DIS3L2: variants seen among roughly 807,000 people sequenced by gnomAD.
The protein encoded by DIS3L2 is DIS3-like exonuclease 2.
A neutral mutation model predicts 97.5 loss-of-function variants in DIS3L2; 34 were observed. The ratio of observed to expected loss-of-function variants is 0.35; its 90% confidence interval spans 0.27 to 0.46. The LOEUF is 0.46. Ranked by LOEUF, DIS3L2 falls within the 20% of genes least tolerant of loss-of-function variation. The probability of loss-of-function intolerance (pLI) is 1.00; values close to 1 mark genes in which losing one functional copy is unlikely to be tolerated. For synonymous variants in DIS3L2, 435 were observed against 445.2 expected (o/e 0.98, Z 0.29); for missense variants, 1,038 against 1,146.0 (o/e 0.91, Z 1.36).
At chr2:232,296,362 T>C (rs1208331577) in intron 13 of DIS3L2, among the ~76,000 whole-genome samples, 1 of 152,240 alleles carries the variant, frequency 6.6e-6, no homozygotes, top group African/African-American at 2.4e-5. Flanking sequence ...CTCAAGTTCC[T>C]CATCTGTTTA....
intron 1 of DIS3L2, among the ~76,000 whole-genome samples, chr2:231,970,055 C>T (rs921348006): frequency 6.6e-6 from 1 of 151,904 alleles, no homozygotes. Flanking sequence ...AAGCAGTCCT[C>T]CTACCTTAGC....
chr2:232,210,231 A>G, intron 9 of DIS3L2, 95 bp from the exon 10 acceptor site: 2 of 931,752 alleles, frequency 2.1e-6, no homozygotes, highest in Non-Finnish European at 1.8e-6. Context: ...AACAGAGCAC[A>G]TATGCAAAAT....
chr2:232,159,055 A>G (rs566336849), intron 8 of DIS3L2, among the ~76,000 whole-genome samples: 1 of 152,284 alleles, frequency 6.6e-6, no homozygotes, highest in African/African-American at 2.4e-5. Context: ...GTCATTTTGA[A>G]AATTAATGGG....
At position 232,166,957 on chromosome 2, in the gene DIS3L2, G is replaced by A. The variant is rs560935004; in HGVS notation, c.1124+3325G>A. On this transcript the variant is annotated intron_variant, in intron 9 of 20. Transcript: ENST00000325385. The stretch of plus-strand genomic sequence containing the variant: ...AATTGCTTGAACCCAGGAGGCAGAG[G>A]TTGCAGCAAGCTGAGATCATGCCAC... Among the ~76,000 whole-genome samples, 323 of 151,892 alleles carry A rather than the reference G, an allele frequency of 2.1e-3. 2 individuals carry two copies. The highest frequency in any genetic ancestry group is 7.4e-3 in the African/African-American group (305 of 41,424).
At chr2:232,239,010 A>G (rs1186502340) in intron 11 of DIS3L2, among the ~76,000 whole-genome samples, 1 of 152,184 alleles carries the variant, frequency 6.6e-6, no homozygotes, top group Non-Finnish European at 1.5e-5. Flanking sequence ...ACGATTTCCT[A>G]TTACTGTAAG....
chr2:232,259,573 A>G (rs1439306376), intron 12 of DIS3L2, among the ~76,000 whole-genome samples: 2 of 152,056 alleles, frequency 1.3e-5, no homozygotes, highest in African/African-American at 4.8e-5. Context: ...TTTTATGCAT[A>G]AATATTTCAG....
intron 10 of DIS3L2, among the ~76,000 whole-genome samples, chr2:232,227,007 A>G (rs921123396): frequency 6.6e-6 from 1 of 152,046 alleles, no homozygotes; most frequent in African/African-American, 2.4e-5. Context: ...AACAAAAAAA[A>G]ACCCAGGAAA....
intron 5 of DIS3L2, among the ~76,000 whole-genome samples, chr2:232,040,247 G>C (rs1336796340): frequency 1.3e-5 from 2 of 152,150 alleles, no homozygotes; most frequent in Non-Finnish European, 2.9e-5. Flanking sequence ...TAGGTTTCAG[G>C]GAGGCATGTA....
At chr2:232,327,398 T>A (rs1479081089) in intron 14 of DIS3L2, among the ~76,000 whole-genome samples, 2 of 152,232 alleles carry the variant, frequency 1.3e-5, no homozygotes, top group Non-Finnish European at 2.9e-5. Flanking sequence ...ATTGCCTGGA[T>A]GCTCCTGCCC....
chr2:232,148,792 C>A (rs1432804050), intron 8 of DIS3L2, among the ~76,000 whole-genome samples: 1 of 114,156 alleles, frequency 8.8e-6, no homozygotes, highest in Non-Finnish European at 1.7e-5. Flanking sequence ...TCTTAATCTA[C>A]ACATATGGCA....
intron 5 of DIS3L2, among the ~76,000 whole-genome samples, chr2:232,064,498 C>G (rs1357176455): frequency 6.6e-6 from 1 of 152,186 alleles, no homozygotes; most frequent in Non-Finnish European, 1.5e-5. Context: ...CCTGTGAACA[C>G]TGCTGTACAC....
chr2:232,240,455 CTG>C (rs995782316), intron 11 of DIS3L2, among the ~76,000 whole-genome samples: 9 of 152,186 alleles, frequency 5.9e-5, no homozygotes, highest in Non-Finnish European at 1.3e-4. Flanking sequence ...TTCCAGGTAA[CTG>C]TGTCATGGGC....
intron 9 of DIS3L2, among the ~76,000 whole-genome samples, chr2:232,164,541 A>C (rs188314197): frequency 6.6e-6 from 1 of 152,228 alleles, no homozygotes; most frequent in East Asian, 1.9e-4. Context: ...AGCTGAACTT[A>C]TGACACCTTC....
intron 9 of DIS3L2, among the ~76,000 whole-genome samples, chr2:232,184,383 A>G (rs1691377386): frequency 6.6e-6 from 1 of 152,236 alleles, no homozygotes; most frequent in Non-Finnish European, 1.5e-5. Context: ...TGCGTGGCTC[A>G]TACCTGTAAT....
At chr2:232,242,391 T>G (rs1218099333) in intron 11 of DIS3L2, among the ~76,000 whole-genome samples, 1 of 152,128 alleles carries the variant, frequency 6.6e-6, no homozygotes, top group Non-Finnish European at 1.5e-5. Context: ...AGGCCTGGGC[T>G]GAAAGGGGCA....
At chr2:232,141,411 G>A (rs1317053990) in intron 8 of DIS3L2, among the ~76,000 whole-genome samples, 2 of 152,092 alleles carry the variant, frequency 1.3e-5, no homozygotes, top group African/African-American at 2.4e-5. Flanking sequence ...GACATGAATC[G>A]ACCTAGAGCA....
chr2:232,242,152 G>T (rs560641426), intron 11 of DIS3L2, among the ~76,000 whole-genome samples: 1 of 152,342 alleles, frequency 6.6e-6, no homozygotes, highest in African/African-American at 2.4e-5. Context: ...ATATGGAAAA[G>T]AAAACTCTTT....
At chr2:232,124,753 A>G (rs1698007772) in intron 6 of DIS3L2, among the ~76,000 whole-genome samples, 1 of 152,194 alleles carries the variant, frequency 6.6e-6, no homozygotes, top group African/African-American at 2.4e-5. Flanking sequence ...TTTTAAAAAA[A>G]TATCCAAATT....
chr2:232,117,784 C>T (rs1184787603), intron 6 of DIS3L2, among the ~76,000 whole-genome samples: 4 of 152,206 alleles, frequency 2.6e-5, no homozygotes, highest in Admixed American at 2.0e-4. Context: ...CCACCTAGTT[C>T]GCCATCTCCT....
Sources: allele counts gnomAD v4.1 joint callset (sites outside exome capture counted in the v4.1 genomes callset), GRCh38; gene constraint gnomAD v4.1.1; transcripts MANE v1.5; gene names NCBI Gene and HGNC (gene_info 2026-07-23, HGNC 2026-07-21).